The following SLC13A2 variants were observed in gnomAD, a reference collection of about 807,000 sequenced individuals.
SLC13A2 encodes the protein Na(+)-coupled citrate transporter.
SLC13A2 carries 40 observed loss-of-function variants against 58.5 expected under a neutral mutation model. The ratio of observed to expected loss-of-function variants is 0.68; its 90% CI spans 0.53 to 0.89. SLC13A2 has a LOEUF of 0.89. Among genes scored for constraint, SLC13A2 ranks in the 40% least tolerant of loss-of-function variants. SLC13A2 has a pLI of 0.00. For missense variants in SLC13A2, 694 were observed against 772.6 expected (o/e 0.90, Z 1.21); for synonymous variants, 341 against 331.6 (o/e 1.03, Z -0.31).
chr17:28,493,906 G>T (rs782410982), intron 7 of SLC13A2, 111 bp from the exon 8 acceptor site: 5 of 1,461,054 alleles, frequency 3.4e-6, no homozygotes, highest in Admixed American at 1.7e-5. Context: ...GGGGATGAAG[G>T]TTCCCCAGGC....
chr17:28,494,300 C>T lies in SLC13A2; in HGVS notation c.1187-91C>T. On this transcript the variant is annotated intron_variant, in intron 8 of 11. Coordinates refer to ENST00000314669, the MANE Select transcript of SLC13A2 (RefSeq NM_003984.4). The surrounding 1 kb of genome is among the most constrained non-coding windows in gnomAD (Gnocchi z 4.0). ...GGTCCCCTCCTGCACGCGTTAAGCT[C>T]CAAAAGGGACCCACACAGGGAGCCC... The T allele has an allele frequency of 6.2e-7, 1 of 1,610,938 alleles. No homozygotes were observed. The highest frequency in any genetic ancestry group is 1.7e-5 in the Admixed American group (1 of 59,982).
At position 28,490,723 on chromosome 17, in the gene SLC13A2, G is replaced by C. The variant is rs906544772; in HGVS notation, c.391G>C (p.Val131Leu). Residue 131 changes from valine to leucine, a missense_variant, in exon 4 of 12, where the codon GTC (valine) becomes CTC (leucine). Transcript: ENST00000314669. ...PAPLILGFMLVTAFLSMWISN... is the reference protein window; with the variant it reads ...PAPLILGFMLLTAFLSMWISN... ...TAGGCTAATCCTGGGCTTCATGCTG[G>C]TCACGGCCTTCCTGTCCATGTGGAT... 6.8e-6 allele frequency: 11 copies of C among 1,613,952 alleles called. No individual in the cohort carries two copies. The highest frequency in any genetic ancestry group is 9.3e-6 in the Non-Finnish European group (11 of 1,179,922).
Position 28,495,835 on chromosome 17 carries a change from A to G in SLC13A2, c.1470+19A>G. 6.2e-7 allele frequency: 1 copy of G among 1,607,654 alleles called. No individual in the cohort carries two copies. Among genetic ancestry groups the G allele is most frequent in the Admixed American group, 1.7e-5 (1 of 59,734 alleles). Reference sequence around the variant, plus strand: ...CTCCATGGTGAGCTGGCCCTCAGAAACACCTCCTCCAGGCAGCCCGCCTGC... The same window carrying G: ...CTCCATGGTGAGCTGGCCCTCAGAAGCACCTCCTCCAGGCAGCCCGCCTGC... On this transcript the variant is annotated intron_variant, in intron 10 of 11. Coordinates refer to ENST00000314669, the MANE Select transcript of SLC13A2 (RefSeq NM_003984.4).
At chr17:28,486,227 A>T (rs902258233) in intron 1 of SLC13A2, among the ~76,000 whole-genome samples, 2 of 152,220 alleles carry the variant, frequency 1.3e-5, no homozygotes, top group East Asian at 3.8e-4. Flanking sequence ...GTCGAGAGCT[A>T]TTCTGAAACA....
chr17:28,495,480 G>C (rs2069121003), intron 9 of SLC13A2, among the ~76,000 whole-genome samples, 175 bp from the exon 10 acceptor site: 1 of 152,168 alleles, frequency 6.6e-6, no homozygotes, highest in African/African-American at 2.4e-5. Flanking sequence ...TGTTCTTCAA[G>C]AGCAGGAAAG....
intron 1 of SLC13A2, among the ~76,000 whole-genome samples, chr17:28,475,146 T>C (rs2068649179): frequency 6.6e-6 from 1 of 152,194 alleles, no homozygotes; most frequent in Admixed American, 6.5e-5. Flanking sequence ...GGATTTTGAT[T>C]TCTTCCCAAT....
intron 5 of SLC13A2, 56 bp downstream of exon 5, chr17:28,491,673 A>G (rs2069026703): frequency 6.2e-7 from 1 of 1,607,974 alleles, no homozygotes; most frequent in African/African-American, 1.3e-5. Flanking sequence ...TGGGAGGTGA[A>G]TGGGGCTGGG....
In SLC13A2 at chr17:28,496,594, G is replaced by A; in HGVS notation, c.1608+7G>A. 1 of 1,609,012 alleles carries A rather than the reference G, an allele frequency of 6.2e-7. No individual in the cohort carries two copies. Among genetic ancestry groups the A allele is most frequent in the East Asian group, 2.2e-5 (1 of 44,786 alleles). ...CCTCAAAGTGTTGGATATGGTAAGTGGCAGGGAGGCCTGAATGCCTCATCC... is the reference window on the plus strand; with the variant it reads ...CCTCAAAGTGTTGGATATGGTAAGTAGCAGGGAGGCCTGAATGCCTCATCC... On this transcript the variant is annotated splice_region_variant and intron_variant, in intron 11 of 11. Coordinates refer to ENST00000314669, the MANE Select transcript of SLC13A2 (RefSeq NM_003984.4). This position sits in a 1 kb window ranked among gnomAD's most constrained non-coding sequence, Gnocchi z 4.2.
In SLC13A2 at chr17:28,497,340, C is replaced by T; in HGVS notation, c.*71C>T. 1 of 1,516,236 alleles carries T rather than the reference C, an allele frequency of 6.6e-7. No homozygotes were observed. Among genetic ancestry groups the T allele is most frequent in the Non-Finnish European group, 8.9e-7 (1 of 1,125,706 alleles). The allele number at this position is 1,516,236 out of a possible 1,614,324, so 93.9% of individuals were successfully genotyped here. On this transcript the variant is annotated 3_prime_UTR_variant, in exon 12 of 12. Coordinates refer to ENST00000314669, the MANE Select transcript of SLC13A2 (RefSeq NM_003984.4). ...CACTCCTCTGAGCCCGGAGGGGACA[C>T]CCCAAGCTCCAAGCTCCAAGCTCCA...
Position 28,490,511 on chromosome 17 carries a change from G to T in SLC13A2, c.289G>T (p.Ala97Ser), listed in dbSNP as rs782650277. The T allele has an allele frequency of 1.9e-6, 3 of 1,614,114 alleles. No individual in the cohort carries two copies. Among genetic ancestry groups the T allele is most frequent in the Non-Finnish European group, 2.5e-6 (3 of 1,180,004 alleles). The change falls in exon 3 of 12, where the codon GCC becomes TCC. Residue 97 changes from alanine (A) to serine (S), a missense_variant. Transcript: ENST00000314669. ...CCTGTTCTTCGGGGGGCTGCTGGTG[G>T]CCATCGCGGTGGAACACTGGAACCT... ...NLLFFGGLLV[A>S]IAVEHWNLHK...
rs2069102133 is a variant in SLC13A2, at chr17:28,494,527, G to A, written c.1308+15G>A. The A allele has an allele frequency of 6.2e-7, 1 of 1,613,686 alleles. No individual in the cohort carries two copies. Among genetic ancestry groups the A allele is most frequent in the Non-Finnish European group, 8.5e-7 (1 of 1,179,746 alleles). On this transcript the variant is annotated intron_variant, in intron 9 of 11. Coordinates refer to ENST00000314669, the MANE Select transcript of SLC13A2 (RefSeq NM_003984.4). The surrounding 1 kb of genome is among the most constrained non-coding windows in gnomAD (Gnocchi z 4.0). ...AGGGCAGTGAGGTGAGAGGCCCCCA[G>A]CCCCCTCCTCAGCCTGTGTGAGGGT...
chr17:28,476,423 C>CA (rs1233070133), intron 1 of SLC13A2, among the ~76,000 whole-genome samples: 1 of 150,990 alleles, frequency 6.6e-6, no homozygotes, highest in Non-Finnish European at 1.5e-5. Flanking sequence ...AACAAACAAA[C>CA]AAAAAAACCC....
At chr17:28,492,936 A>G (rs1300643869) in intron 6 of SLC13A2, among the ~76,000 whole-genome samples, 4 of 152,058 alleles carry the variant, frequency 2.6e-5, no homozygotes, top group Admixed American at 2.6e-4. Context: ...AGGAAGCTGG[A>G]TTAAGGTTGG....
intron 4 of SLC13A2, 59 bp downstream of exon 4, chr17:28,490,965 G>T (rs915324196): frequency 6.8e-7 from 1 of 1,471,206 alleles, no homozygotes; most frequent in Non-Finnish European, 9.2e-7. Context: ...AGAGTCTGAG[G>T]GTCTGTCCGT....
At chr17:28,481,142 C>A (rs2068777240) in intron 1 of SLC13A2, among the ~76,000 whole-genome samples, 1 of 152,204 alleles carries the variant, frequency 6.6e-6, no homozygotes, top group Non-Finnish European at 1.5e-5. Context: ...AGCAGCGAGG[C>A]TCAGGGCTGT....
intron 1 of SLC13A2, among the ~76,000 whole-genome samples, chr17:28,488,538 T>G (rs2068934387): frequency 6.6e-6 from 1 of 152,198 alleles, no homozygotes. Flanking sequence ...TTCTCTAGAC[T>G]TGGGGGCTTC....
chr17:28,488,535 G>C (rs1567852349), intron 1 of SLC13A2, among the ~76,000 whole-genome samples: 1 of 152,216 alleles, frequency 6.6e-6, no homozygotes, highest in African/African-American at 2.4e-5. Flanking sequence ...GGCTTCTCTA[G>C]ACTTGGGGGC....
intron 1 of SLC13A2, among the ~76,000 whole-genome samples, chr17:28,480,169 G>T (rs1413798314): frequency 1.3e-5 from 2 of 150,664 alleles, no homozygotes; most frequent in Non-Finnish European, 3.0e-5. Flanking sequence ...AAAAAAAAAG[G>T]GGGGGTCAAA....
chr17:28,493,715 G>T lies in SLC13A2; in HGVS notation c.1023G>T (p.Leu341=). The T allele has an allele frequency of 6.2e-7, 1 of 1,614,250 alleles. No homozygotes were observed. The highest frequency in any genetic ancestry group is 8.5e-7 in the Non-Finnish European group (1 of 1,180,046). ...AISILFVILV[L]LWFTREPGFF... ...GCATCCTATTCGTCATCCTGGTGCTGCTCTGGTTCACCCGGGAGCCGGGCT... is the reference window on the plus strand; with the variant it reads ...GCATCCTATTCGTCATCCTGGTGCTTCTCTGGTTCACCCGGGAGCCGGGCT... Residue 341 remains leucine, a synonymous_variant, in exon 7 of 12, where the codon CTG becomes CTT. Coordinates refer to ENST00000314669, the MANE Select transcript of SLC13A2 (RefSeq NM_003984.4).
Sources: allele counts gnomAD v4.1 joint callset (sites outside exome capture counted in the v4.1 genomes callset), GRCh38; gene constraint gnomAD v4.1.1; non-coding constraint Gnocchi (gnomAD v3.1); transcripts MANE v1.5; gene names NCBI Gene and HGNC (gene_info 2026-07-23, HGNC 2026-07-21).